The following CACNA1G variants were observed in gnomAD, a reference collection of about 807,000 sequenced individuals.
CACNA1G encodes calcium voltage-gated channel subunit alpha1 G, also known as voltage-dependent T-type calcium channel subunit alpha-1G.
A neutral mutation model predicts 219.4 loss-of-function variants in CACNA1G; 67 were observed. That is an observed-to-expected ratio of 0.31 (90% CI 0.25 to 0.37). CACNA1G has a LOEUF of 0.37. CACNA1G is among the 10% of genes least tolerant of loss of function. CACNA1G has a pLI of 1.00. For synonymous variants in CACNA1G, 1,296 were observed against 1,345.3 expected (o/e 0.96, Z 0.80); for missense variants, 2,380 against 3,231.4 (o/e 0.74, Z 6.39).
chr17:50,586,093 C>T lies in CACNA1G; in HGVS notation c.2302-4378C>T, dbSNP rs182349579. ...GCACATCACTGTCTGCCAGAGCTGGCTCTCAGGCCTCCTGCCTGGACTGCT... is the reference window on the plus strand; with the variant it reads ...GCACATCACTGTCTGCCAGAGCTGGTTCTCAGGCCTCCTGCCTGGACTGCT... On this transcript the variant is annotated intron_variant, in intron 9 of 37. Transcript: ENST00000359106. 4.0e-3 allele frequency among the ~76,000 whole-genome samples: 610 copies of T among 152,328 alleles called. 6 individuals are homozygous for T. Among genetic ancestry groups the T allele is most frequent in the African/African-American group, 0.014 (583 of 41,560 alleles).
rs772749667 is a variant in CACNA1G, at chr17:50,603,238, G to A, written c.4169+39G>A. ...CAGCACTGGAACACCTCCAAGAGGTGGCCCCCTCCGCAGGGACATCTCCCA... is the reference window on the plus strand; with the variant it reads ...CAGCACTGGAACACCTCCAAGAGGTAGCCCCCTCCGCAGGGACATCTCCCA... On this transcript the variant is annotated intron_variant, in intron 21 of 37. Coordinates refer to ENST00000359106, the MANE Select transcript of CACNA1G (RefSeq NM_018896.5). The surrounding 1 kb of genome is among the most constrained non-coding windows in gnomAD (Gnocchi z 6.4). The A allele has an allele frequency of 1.3e-6, 2 of 1,559,488 alleles. No individual in the cohort carries two copies. Among genetic ancestry groups the A allele is most frequent in the East Asian group, 4.6e-5 (2 of 43,748 alleles).
At chr17:50,607,102 A>G in intron 24 of CACNA1G, 113 bp downstream of exon 24, 1 of 826,150 alleles carries the variant, frequency 1.2e-6, no homozygotes, top group Non-Finnish European at 2.1e-6. Context: ...GAAGCATCAT[A>G]TTTTACAGCA....
At chr17:50,567,327 C>T (rs1018536525) in intron 1 of CACNA1G, among the ~76,000 whole-genome samples, 1 of 152,002 alleles carries the variant, frequency 6.6e-6, no homozygotes, top group Non-Finnish European at 1.5e-5. Context: ...GGACAGGTGG[C>T]GAGCAGGCAT....
At position 50,571,790 on chromosome 17, in the gene CACNA1G, TG is replaced by T; in HGVS notation, c.587-84del. 1 of 1,444,884 alleles carries T rather than the reference TG, an allele frequency of 6.9e-7. No homozygotes were observed. The allele number at this position is 1,444,884 out of a possible 1,614,324, so 89.5% of individuals were successfully genotyped here. ...GCCGTCTCAGCCTCAGAGTCCCTGG[TG>T]GGGCCCCTCCGGGAGTGCTGCCGGG... On this transcript the variant is annotated intron_variant, in intron 4 of 37. Coordinates refer to ENST00000359106, the MANE Select transcript of CACNA1G (RefSeq NM_018896.5). The surrounding 1 kb of genome is among the most constrained non-coding windows in gnomAD (Gnocchi z 4.3).
intron 11 of CACNA1G, 25 bp downstream of exon 11, chr17:50,591,645 G>A (rs372554659): frequency 1.8e-5 from 29 of 1,611,350 alleles, no homozygotes; most frequent in African/African-American, 1.3e-4. Context: ...GCACCTTGCC[G>A]GCTGAGAGAC....
rs1194421367 is a variant in CACNA1G, at chr17:50,565,387, C to CGG, written c.243-3478_243-3477dup. On this transcript the variant is annotated intron_variant, in intron 1 of 37. Coordinates refer to ENST00000359106, the MANE Select transcript of CACNA1G (RefSeq NM_018896.5). ...AGGGAAATAGGCTTGTGGGGTGGGG[C>CGG]GGGGGGTTCTGCTGGGGGAATCCCC... 1.1e-4 allele frequency among the ~76,000 whole-genome samples: 15 copies of CGG among 139,254 alleles called. No individual in the cohort carries two copies. In the East Asian group the frequency reaches 3.6e-3, roughly 34 times the overall value. 91.4% of individuals were successfully genotyped at this position (139,254 alleles called of 152,430 possible). A position where few individuals can be genotyped will look rare whatever the true frequency, so the allele number is the denominator to read the frequency against.
intron 7 of CACNA1G, among the ~76,000 whole-genome samples, chr17:50,574,825 G>T (rs2040277407): frequency 6.6e-6 from 1 of 152,134 alleles, no homozygotes; most frequent in African/African-American, 2.4e-5. Flanking sequence ...CCAGAGTTCT[G>T]GGGAAACTGA....
At position 50,596,085 on chromosome 17, in the gene CACNA1G, T is replaced by G. The variant is rs566401040; in HGVS notation, c.2980-477T>G. Among the ~76,000 whole-genome samples the G allele has an allele frequency of 6.6e-6, 1 of 152,196 alleles. No individual in the cohort carries two copies. The highest frequency in any genetic ancestry group is 6.5e-5 in the Admixed American group (1 of 15,296). On this transcript the variant is annotated intron_variant, in intron 14 of 37. Coordinates refer to ENST00000359106, the MANE Select transcript of CACNA1G (RefSeq NM_018896.5). The surrounding 1 kb of genome is among the most constrained non-coding windows in gnomAD (Gnocchi z 4.8). ...AAGTGGCGTCCTCGGGCTGAGCTGTTCTGTCTGGGGTCTTTCAATTTCCTT... is the reference window on the plus strand; with the variant it reads ...AAGTGGCGTCCTCGGGCTGAGCTGTGCTGTCTGGGGTCTTTCAATTTCCTT...
At chr17:50,623,243 C>G (rs1282285820) in intron 35 of CACNA1G, among the ~76,000 whole-genome samples, 1 of 148,052 alleles carries the variant, frequency 6.8e-6, no homozygotes, top group South Asian at 2.1e-4. Context: ...TTACAGGTGC[C>G]ACGCCACCAT....
chr17:50,625,842 G>T (rs1306442301), intron 37 of CACNA1G, among the ~76,000 whole-genome samples, 175 bp from the exon 38 acceptor site: 2 of 152,162 alleles, frequency 1.3e-5, no homozygotes, highest in Admixed American at 1.3e-4. Context: ...GTGGACAACA[G>T]AGGTCAGGCT....
intron 7 of CACNA1G, among the ~76,000 whole-genome samples, chr17:50,573,899 G>A (rs546154378): frequency 6.6e-6 from 1 of 152,328 alleles, no homozygotes; most frequent in Admixed American, 6.5e-5. Flanking sequence ...CTTTCAATGT[G>A]CTGGTGCATT....
At position 50,599,468 on chromosome 17, in the gene CACNA1G, C is replaced by T; in HGVS notation, c.3299C>T (p.Ala1100Val). Residue 1100 changes from alanine to valine, a missense_variant, in exon 17 of 38, where the codon GCA becomes GTA. This residue lies in a region of CACNA1G where 418 missense variants were observed against 434.3 expected (regional missense o/e 0.96). Transcript: ENST00000359106. ...TCTCCGCACAGCCCCTGGAGCGCTG[C>T]AAGCAGCTGGACCAGCAGGCGCTCC... ...RSSPHSPWSA[A>V]SSWTSRRSSR... 1 of 1,579,140 alleles carries T rather than the reference C, an allele frequency of 6.3e-7. No individual in the cohort carries two copies. The highest frequency in any genetic ancestry group is 8.6e-7 in the Non-Finnish European group (1 of 1,163,794).
intron 1 of CACNA1G, among the ~76,000 whole-genome samples, chr17:50,566,203 C>T (rs1176315563): frequency 6.6e-6 from 1 of 152,172 alleles, no homozygotes; most frequent in Non-Finnish European, 1.5e-5. Flanking sequence ...TCCACACCAC[C>T]TGGTGACACA....
Position 50,576,076 on chromosome 17 carries a change from T to A in CACNA1G, c.1674T>A (p.His558Gln), listed in dbSNP as rs1187440781. ...CAGAGTCTGTGCACAGCTTCTACCA[T>A]GCCGACTGCCACTTAGAGCCAGTCC... Reference protein sequence around the residue: ...GGAESVHSFYHADCHLEPVRC... With the variant: ...GGAESVHSFYQADCHLEPVRC... The change falls in exon 8 of 38, where the codon CAT becomes CAA. Residue 558 changes from histidine (H) to glutamine (Q), a missense_variant. By Grantham distance (24) the His-to-Gln change is conservative. This residue lies in a region of CACNA1G where 434 missense variants were observed against 417.3 expected (regional missense o/e 1.04). Coordinates refer to ENST00000359106, the MANE Select transcript of CACNA1G (RefSeq NM_018896.5). 11 of 1,587,802 alleles carry A rather than the reference T, an allele frequency of 6.9e-6. 1 individual carries two copies.
In CACNA1G at chr17:50,596,797, C is replaced by A. The variant is rs751651825; in HGVS notation, c.3132C>A (p.Ala1044=). ...TGCCGCCTCTCATCATCCACACGGC[C>A]GCCACACCCATGTCGCTGCCCAAGA... ...SLLPPLIIHT[A]ATPMSLPKST... Residue 1044 remains alanine, a synonymous_variant, in exon 16 of 38, where the codon GCC becomes GCA. Coordinates refer to ENST00000359106, the MANE Select transcript of CACNA1G (RefSeq NM_018896.5). This position sits in a 1 kb window ranked among gnomAD's most constrained non-coding sequence, Gnocchi z 4.8. 6.2e-7 allele frequency: 1 copy of A among 1,611,840 alleles called. No individual in the cohort carries two copies. Among genetic ancestry groups the A allele is most frequent in the South Asian group, 1.1e-5 (1 of 90,874 alleles).
intron 9 of CACNA1G, among the ~76,000 whole-genome samples, chr17:50,587,730 A>C (rs956776984): frequency 4.6e-5 from 7 of 152,300 alleles, no homozygotes; most frequent in African/African-American, 1.7e-4. Context: ...GCCTGGAGTC[A>C]CTTGGCTGGG....
chr17:50,606,806 G>A (rs2048062155), intron 23 of CACNA1G, 94 bp from the exon 24 acceptor site: 1 of 837,166 alleles, frequency 1.2e-6, no homozygotes, highest in African/African-American at 1.7e-5. Context: ...TGGGGTACTT[G>A]GAGCTGATGC....
chr17:50,581,511 C>T (rs1403419676), intron 9 of CACNA1G, among the ~76,000 whole-genome samples: 1 of 152,144 alleles, frequency 6.6e-6, no homozygotes, highest in African/African-American at 2.4e-5. Context: ...CCACCATCCC[C>T]TGGCTGACTC....
chr17:50,616,792 A>T (rs2050690607), intron 28 of CACNA1G, among the ~76,000 whole-genome samples: 1 of 152,194 alleles, frequency 6.6e-6, no homozygotes, highest in Non-Finnish European at 1.5e-5. Context: ...AAATAATAGT[A>T]TCCACATCAC....
Sources: allele counts gnomAD v4.1 joint callset (sites outside exome capture counted in the v4.1 genomes callset), GRCh38; gene constraint gnomAD v4.1.1; regional missense constraint gnomAD v4.1.1; non-coding constraint Gnocchi (gnomAD v3.1); transcripts MANE v1.5; gene names NCBI Gene and HGNC (gene_info 2026-07-23, HGNC 2026-07-21).